Variants in UCMA observed in about 807,000 individuals in gnomAD.
The protein encoded by UCMA is upper zone of growth plate and cartilage matrix-associated protein.
A neutral mutation model predicts 21.8 loss-of-function variants in UCMA; 21 were observed. That is an observed-to-expected ratio of 0.97 (90% CI 0.68 to 1.39). The LOEUF is 1.39. Among genes scored for constraint, UCMA ranks in the 40% most tolerant of loss-of-function variants. UCMA has a pLI of 0.00. For synonymous variants in UCMA, 76 were observed against 67.9 expected (o/e 1.12, Z -0.58); for missense variants, 193 against 178.9 (o/e 1.08, Z -0.45).
At chr10:13,229,942 A>T (rs551694134) in intron 3 of UCMA, among the ~76,000 whole-genome samples, 8 of 152,250 alleles carry the variant, frequency 5.3e-5, no homozygotes, top group Non-Finnish European at 1.2e-4. Context: ...TAGAGGCCCC[A>T]GAGAGTAAAG....
chr10:13,228,515 T>G (rs994163442), intron 4 of UCMA, among the ~76,000 whole-genome samples: 1 of 152,072 alleles, frequency 6.6e-6, no homozygotes, highest in African/African-American at 2.4e-5. Flanking sequence ...ATGCTGCAGG[T>G]GGGGTGAGAG....
chr10:13,222,900 C>T (rs1390845817), intron 4 of UCMA, among the ~76,000 whole-genome samples: 1 of 151,760 alleles, frequency 6.6e-6, no homozygotes, highest in Non-Finnish European at 1.5e-5. Flanking sequence ...AACTCCCAGT[C>T]TCAAGCAATC....
chr10:13,228,381 C>T (rs1207704327), intron 4 of UCMA, among the ~76,000 whole-genome samples: 1 of 152,068 alleles, frequency 6.6e-6, no homozygotes, highest in East Asian at 1.9e-4. Context: ...AAGGAAAAGA[C>T]CAAGGCTTAG....
intron 3 of UCMA, 27 bp from the exon 4 acceptor site, chr10:13,229,736 G>T (rs1834874941): frequency 6.2e-7 from 1 of 1,604,702 alleles, no homozygotes; most frequent in Non-Finnish European, 8.5e-7. Flanking sequence ...AGCAAGAGTT[G>T]CCCCTCAAGA....
chr10:13,229,269 T>A (rs1834866497), intron 4 of UCMA, among the ~76,000 whole-genome samples: 1 of 152,070 alleles, frequency 6.6e-6, no homozygotes, highest in Non-Finnish European at 1.5e-5. Context: ...TGGATATGAA[T>A]TGAAAGTAGA....
chr10:13,231,859 G>A (rs538140273), intron 3 of UCMA, among the ~76,000 whole-genome samples: 1 of 152,312 alleles, frequency 6.6e-6, no homozygotes, highest in Non-Finnish European at 1.5e-5. Context: ...GTTGGCTGAA[G>A]TGTCTGTCAC....
chr10:13,233,674 G>A (rs1463899924), intron 2 of UCMA, 41 bp from the exon 3 acceptor site: 2 of 1,613,596 alleles, frequency 1.2e-6, no homozygotes, highest in Admixed American at 1.7e-5. Context: ...GTGTGGGGGT[G>A]CTGGGGCTGC....
chr10:13,225,425 A>C (rs1283780764), intron 4 of UCMA, among the ~76,000 whole-genome samples: 1 of 152,118 alleles, frequency 6.6e-6, no homozygotes, highest in Non-Finnish European at 1.5e-5. Flanking sequence ...CTGTAATCCC[A>C]GCACTGTGGG....
rs200371219 is a variant in UCMA at position 13,234,192 on chromosome 10, T to A, written c.58+9A>T. The A allele has an allele frequency of 1.7e-4, 273 of 1,612,558 alleles. 6 individuals carry two copies. The Admixed American group carries it at 4.4e-3, about 26-fold the overall frequency. On this transcript the variant is annotated intron_variant, in intron 1 of 4. Coordinates refer to ENST00000378681, the MANE Select transcript of UCMA (RefSeq NM_145314.3). ...CTAACACCCTCCACCTTGACCCTCC[T>A]GTACTCACTAGACAGGAGCACCACG...
At chr10:13,227,818 C>T (rs1225746327) in intron 4 of UCMA, among the ~76,000 whole-genome samples, 5 of 148,624 alleles carry the variant, frequency 3.4e-5, no homozygotes, top group African/African-American at 1.2e-4. Context: ...TTAAACGGTC[C>T]TAAGGATGTT....
At chr10:13,231,246 G>A (rs775239927) in intron 3 of UCMA, among the ~76,000 whole-genome samples, 6 of 152,086 alleles carry the variant, frequency 3.9e-5, no homozygotes, top group Non-Finnish European at 8.8e-5. Flanking sequence ...AACGTCTGCC[G>A]TGACCTACTT....
chr10:13,223,241 A>C (rs1240645471), intron 4 of UCMA, among the ~76,000 whole-genome samples: 1 of 148,224 alleles, frequency 6.7e-6, no homozygotes, highest in East Asian at 2.0e-4. Context: ...AAAAAAAAAC[A>C]CAAAAGAAAG....
chr10:13,224,247 A>T (rs1300489845), intron 4 of UCMA, among the ~76,000 whole-genome samples: 2 of 151,422 alleles, frequency 1.3e-5, no homozygotes, highest in African/African-American at 4.8e-5. Context: ...GGATTGCTCG[A>T]GCCCAGGAGG....
Position 13,221,770 on chromosome 10 carries a change from A to G in UCMA, c.*333T>C, listed in dbSNP as rs1834759416. The stretch of plus-strand genomic sequence containing the variant: ...TTTGAGAAGATAATACACATGGTTG[A>G]TTCAGCGTTTTTATTTGTAAGCCAT... On this transcript the variant is annotated 3_prime_UTR_variant, in exon 5 of 5. Transcript: ENST00000378681. 1.1e-5 allele frequency: 3 copies of G among 276,776 alleles called. No homozygotes were observed. The South Asian group carries it at 1.6e-4, about 15-fold the overall frequency. The allele number at this position is 276,776 out of a possible 1,614,324, so 17.1% of individuals were successfully genotyped here.
chr10:13,234,326 C>A lies in UCMA; in HGVS notation c.-68G>T. On this transcript the variant is annotated 5_prime_UTR_variant, in exon 1 of 5. Coordinates refer to ENST00000378681, the MANE Select transcript of UCMA (RefSeq NM_145314.3). ...CCAGGCGTCCTGCACCCTTTGGGTC[C>A]CCACTTCTGAGGCAGGCAGCCCAGG... The A allele has an allele frequency of 1.9e-6, 3 of 1,561,290 alleles. 1 individual carries two copies. The highest frequency in any genetic ancestry group is 2.6e-6 in the Non-Finnish European group (3 of 1,147,402).
rs76274665 is a variant in UCMA at position 13,221,865 on chromosome 10, G to A, written c.*238C>T. On this transcript the variant is annotated 3_prime_UTR_variant, in exon 5 of 5. Transcript: ENST00000378681. ...AGCCAGGGGAAGCCACTGTAGGTTT[G>A]GTACTAGGAGGCCCTGCAGGCAGTT... 3.5e-3 allele frequency: 1,840 copies of A among 525,218 alleles called. 30 individuals are homozygous for A. The highest frequency in any genetic ancestry group is 0.028 in the East Asian group (876 of 30,970). The allele number at this position is 525,218 out of a possible 1,614,324, so 32.5% of individuals were successfully genotyped here.
rs370191423 is a variant in UCMA at position 13,224,424 on chromosome 10, AAAGG to A, written c.320-2228_320-2225del. ...AAAAAAGAGAAAGAAAAAGAAAGGAAAAGGAAGAAAGAAAGAAGAGTTTAAATGG... is the reference window on the plus strand; with the variant it reads ...AAAAAAGAGAAAGAAAAAGAAAGGAAAAGAAAGAAAGAAGAGTTTAAATGG... On this transcript the variant is annotated intron_variant, in intron 4 of 4. Coordinates refer to ENST00000378681, the MANE Select transcript of UCMA (RefSeq NM_145314.3). Among the ~76,000 whole-genome samples, 838 of 152,208 alleles carry A rather than the reference AAAGG, an allele frequency of 5.5e-3. 8 individuals carry two copies. Among genetic ancestry groups the A allele is most frequent in the African/African-American group, 0.019 (779 of 41,544 alleles).
chr10:13,233,856 G>T (rs1157789613), intron 1 of UCMA, 56 bp from the exon 2 acceptor site: 3 of 1,603,296 alleles, frequency 1.9e-6, no homozygotes, highest in Non-Finnish European at 1.7e-6. Flanking sequence ...CCCAGACCCT[G>T]AGCTGAGTCC....
chr10:13,221,987 T>G lies in UCMA; in HGVS notation c.*116A>C, dbSNP rs914057620. 9.5e-7 allele frequency: 1 copy of G among 1,048,054 alleles called. No homozygotes were observed. The highest frequency in any genetic ancestry group is 1.4e-6 in the Non-Finnish European group (1 of 693,744). 64.9% of individuals were successfully genotyped at this position (1,048,054 alleles called of 1,614,324 possible). A position where few individuals can be genotyped will look rare whatever the true frequency, so the allele number is the denominator to read the frequency against. On this transcript the variant is annotated 3_prime_UTR_variant, in exon 5 of 5. Coordinates refer to ENST00000378681, the MANE Select transcript of UCMA (RefSeq NM_145314.3). ...CGTCTTTTCAAGAGCTGCTGGCCAC[T>G]GCAGACCCCAAGCTGAGACCCTCTG...
Sources: gnomAD v4.1 joint callset for allele counts (sites outside exome capture counted in the v4.1 genomes callset) on GRCh38, gnomAD v4.1.1 for gene constraint, MANE v1.5 for transcripts, NCBI Gene and HGNC (gene_info 2026-07-23, HGNC 2026-07-21) for gene names.